USP28: variants seen among roughly 807,000 people sequenced by gnomAD.
USP28 encodes the protein ubiquitin carboxyl-terminal hydrolase 28.
In USP28, 113 loss-of-function variants were observed where a neutral mutation model predicts 145.0. The ratio of observed to expected loss-of-function variants is 0.78; its 90% CI spans 0.67 to 0.91. The LOEUF is 0.91. USP28 is among the 40% of genes least tolerant of loss of function. The pLI, the probability that USP28 is intolerant of heterozygous loss-of-function variation, is 0.00. For missense variants in USP28, 1,201 were observed against 1,289.6 expected (o/e 0.93, Z 1.05); for synonymous variants, 447 against 450.9 (o/e 0.99, Z 0.11).
chr11:113,813,777 T>A, intron 15 of USP28, 108 bp downstream of exon 15: 1 of 834,332 alleles, frequency 1.2e-6, no homozygotes, highest in Non-Finnish European at 1.9e-6. Flanking sequence ...GTTTATTCTT[T>A]TATCTTAGGG....
chr11:113,868,745 A>ACC (rs539504377), intron 1 of USP28, among the ~76,000 whole-genome samples: 1 of 151,284 alleles, frequency 6.6e-6, no homozygotes, highest in Admixed American at 6.6e-5. Flanking sequence ...ACATAAAGAG[A>ACC]CCCCCCATCT....
chr11:113,847,444 G>T lies in USP28; in HGVS notation c.268+5057C>A, dbSNP rs542173977. ...CTTTGGATATTAAGCTGCAAGAAAC[G>T]GGACGGGGGTGGGGGGGCGGGGTGG... On this transcript the variant is annotated intron_variant, in intron 3 of 24. Coordinates refer to ENST00000003302, the Ensembl canonical transcript of USP28. Among the ~76,000 whole-genome samples, 4 of 137,966 alleles carry T rather than the reference G, an allele frequency of 2.9e-5. No homozygotes were observed. The Admixed American group carries it at 2.9e-4, about 10-fold the overall frequency. 90.5% of individuals were successfully genotyped at this position (137,966 alleles called of 152,430 possible).
At position 113,840,594 on chromosome 11, in the gene USP28, A is replaced by T. The variant is rs1565437865; in HGVS notation, c.534+4T>A. 6.2e-7 allele frequency: 1 copy of T among 1,609,220 alleles called. No homozygotes were observed. Among genetic ancestry groups the T allele is most frequent in the Admixed American group, 1.7e-5 (1 of 59,384 alleles). On this transcript the variant is annotated splice_donor_region_variant and intron_variant, in intron 5 of 24. Coordinates refer to ENST00000003302, the Ensembl canonical transcript of USP28. ...GACACAGTTATCTCTTAAAAATATC[A>T]TACCTGAATAACAGCACTAAACCAA... is the stretch of plus-strand genomic sequence containing the variant.
At chr11:113,861,588 G>A (rs1947700616) in intron 1 of USP28, among the ~76,000 whole-genome samples, 1 of 152,096 alleles carries the variant, frequency 6.6e-6, no homozygotes, top group Admixed American at 6.6e-5. Flanking sequence ...TTCTTCACAT[G>A]TACTAAGAGA....
chr11:113,817,233 T>C (rs1276003197), intron 13 of USP28, among the ~76,000 whole-genome samples: 2 of 152,220 alleles, frequency 1.3e-5, no homozygotes, highest in African/African-American at 2.4e-5. Flanking sequence ...CAGTTCTTTT[T>C]CAAGTACTAA....
At chr11:113,868,192 C>T (rs577147663) in intron 1 of USP28, among the ~76,000 whole-genome samples, 1 of 152,266 alleles carries the variant, frequency 6.6e-6, no homozygotes, top group Non-Finnish European at 1.5e-5. Flanking sequence ...AAAGGAAGTA[C>T]TGCAAATAAA....
rs773233703 is a variant in USP28, at chr11:113,833,426, T to C, written c.753A>G (p.Glu251=). 18 of 1,613,108 alleles carry C rather than the reference T, an allele frequency of 1.1e-5. No homozygotes were observed. In the African/African-American group the frequency reaches 2.0e-4, roughly 18 times the overall value. The stretch of plus-strand genomic sequence containing the variant: ...AACAAGGCTTCTTTTGTACCTGCTG[T>C]TCCTCAGATGATCGGAATGCTCCCT... Residue 251 remains glutamate (E), a synonymous_variant, in exon 7 of 25, where the codon GAA becomes GAG. Coordinates refer to ENST00000003302, the Ensembl canonical transcript of USP28.
intron 12 of USP28, 150 bp from the exon 13 acceptor site, chr11:113,817,987 T>G: frequency 2.8e-6 from 2 of 719,376 alleles, no homozygotes; most frequent in African/African-American, 1.8e-5. Context: ...AAACAATCTA[T>G]AGGGTAAAAA....
At chr11:113,870,520 T>A (rs183991974) in intron 1 of USP28, among the ~76,000 whole-genome samples, 25 of 152,314 alleles carry the variant, frequency 1.6e-4, no homozygotes, top group African/African-American at 5.8e-4. Flanking sequence ...GAGGGAGAGA[T>A]CCTGCCTTGG....
At chr11:113,868,297 T>C (rs1038575228) in intron 1 of USP28, among the ~76,000 whole-genome samples, 2 of 152,240 alleles carry the variant, frequency 1.3e-5, no homozygotes, top group African/African-American at 2.4e-5. Flanking sequence ...AAAATACTGA[T>C]ATCCTGTGTT....
chr11:113,814,470 T>A (rs1343254287), intron 14 of USP28, among the ~76,000 whole-genome samples: 2 of 152,210 alleles, frequency 1.3e-5, no homozygotes, highest in East Asian at 3.9e-4. Context: ...TTGTGCATAC[T>A]GCTCAAATAC....
chr11:113,873,030 A>G (rs1948988773), intron 1 of USP28, among the ~76,000 whole-genome samples: 1 of 152,198 alleles, frequency 6.6e-6, no homozygotes, highest in Admixed American at 6.5e-5. Flanking sequence ...AGGGAAGGGA[A>G]GCAGTCTAGG....
intron 3 of USP28, among the ~76,000 whole-genome samples, chr11:113,849,181 C>T (rs541688944): frequency 5.3e-5 from 8 of 152,180 alleles, no homozygotes; most frequent in Non-Finnish European, 7.4e-5. Context: ...CTTTGCATTC[C>T]CCAGGTAGCA....
intron 12 of USP28, among the ~76,000 whole-genome samples, chr11:113,819,439 G>A (rs1480817286): frequency 6.6e-6 from 1 of 152,028 alleles, no homozygotes; most frequent in Non-Finnish European, 1.5e-5. Context: ...AACTGTAAAA[G>A]TAATGCATGT....
chr11:113,870,437 G>C (rs1948701488), intron 1 of USP28, among the ~76,000 whole-genome samples: 1 of 152,220 alleles, frequency 6.6e-6, no homozygotes, highest in Non-Finnish European at 1.5e-5. Context: ...TGAGGTGGGA[G>C]GATCGCTTGA....
At chr11:113,813,814 C>T in intron 15 of USP28, 71 bp downstream of exon 15, 3 of 1,242,448 alleles carry the variant, frequency 2.4e-6, no homozygotes, top group Non-Finnish European at 3.5e-6. Flanking sequence ...TAAAAGAAAA[C>T]TATCAAATTT....
intron 23 of USP28, among the ~76,000 whole-genome samples, chr11:113,802,046 C>T (rs1939128033): frequency 6.6e-6 from 1 of 152,170 alleles, no homozygotes; most frequent in South Asian, 2.1e-4. Context: ...ATGCCCAGGG[C>T]CCTTCCCAGG....
At chr11:113,842,311 C>T (rs1347615592) in intron 3 of USP28, among the ~76,000 whole-genome samples, 2 of 151,992 alleles carry the variant, frequency 1.3e-5, no homozygotes, top group African/African-American at 4.8e-5. Flanking sequence ...GTTGGCTGGG[C>T]GCAGTGGCTT....
In USP28 at chr11:113,842,562, GCAA is replaced by G. The variant is rs1945324852; in HGVS notation, c.269-797_269-795del. On this transcript the variant is annotated intron_variant, in intron 3 of 24. Transcript: ENST00000003302. Reference sequence around the variant, plus strand: ...ACCACGCCACTGCACTCCAGCCTAGGCAACAGAGTGAGACTCCGTCTCAGAAAA... The same window carrying G: ...ACCACGCCACTGCACTCCAGCCTAGGCAGAGTGAGACTCCGTCTCAGAAAA... Among the ~76,000 whole-genome samples the G allele has an allele frequency of 2.0e-5, 3 of 149,990 alleles. No individual in the cohort carries two copies. The South Asian group carries it at 6.3e-4, about 32-fold the overall frequency.
Sources: allele counts gnomAD v4.1 joint callset (sites outside exome capture counted in the v4.1 genomes callset), GRCh38; gene constraint gnomAD v4.1.1; transcripts MANE v1.5; gene names NCBI Gene and HGNC (gene_info 2026-07-23, HGNC 2026-07-21).